Variants in ARHGEF38 observed in about 807,000 individuals in gnomAD.
The protein encoded by ARHGEF38 is Rho guanine nucleotide exchange factor (GEF) 38.
In ARHGEF38, 79 loss-of-function variants were observed where a neutral mutation model predicts 79.9. The ratio of observed to expected loss-of-function variants is 0.99; its 90% CI spans 0.82 to 1.19. The LOEUF is 1.19. ARHGEF38 is among the 50% of genes most tolerant of loss of function. The probability of loss-of-function intolerance (pLI) is 0.00; values close to 1 mark genes in which losing one functional copy is unlikely to be tolerated. For missense variants in ARHGEF38, 962 were observed against 907.2 expected (o/e 1.06, Z -0.78); for synonymous variants, 366 against 328.3 (o/e 1.11, Z -1.24).
rs577740645 is a variant in ARHGEF38 at position 105,645,672 on chromosome 4, A to G, written c.874+285A>G. On this transcript the variant is annotated intron_variant, in intron 6 of 13. Coordinates refer to ENST00000420470, the MANE Select transcript of ARHGEF38 (RefSeq NM_001242729.2). ...GACATATTGTGGGCTGAAGAAACCC[A>G]TTGCATATAGTCCTCCTGTCACTGG... 5.9e-5 allele frequency among the ~76,000 whole-genome samples: 9 copies of G among 152,334 alleles called. No individual in the cohort carries two copies. In the South Asian group the frequency reaches 1.5e-3, roughly 25 times the overall value.
chr4:105,682,388 C>A (rs1578375880), downstream of ARHGEF38: 1 of 185,172 alleles, frequency 5.4e-6, no homozygotes, highest in East Asian at 1.4e-4. Flanking sequence ...CCACATAAGG[C>A]ACCTCATTCA....
intron 2 of ARHGEF38, 42 bp downstream of exon 2, chr4:105,589,477 A>T: frequency 6.5e-7 from 1 of 1,539,676 alleles, no homozygotes; most frequent in South Asian, 1.2e-5. Flanking sequence ...CCCATATCAT[A>T]AATAGGATCA....
At chr4:105,590,113 AGG>A (rs1298657760) in intron 2 of ARHGEF38, among the ~76,000 whole-genome samples, 77 of 143,492 alleles carry the variant, frequency 5.4e-4, no homozygotes, top group African/African-American at 2.0e-3. Flanking sequence ...GAAGGAAGGA[AGG>A]AAGGAAGGAA....
intron 3 of ARHGEF38, among the ~76,000 whole-genome samples, chr4:105,624,211 C>T (rs967440639): frequency 4.6e-5 from 7 of 152,096 alleles, no homozygotes; most frequent in African/African-American, 1.2e-4. Context: ...ACTTATCTTA[C>T]GCTAGTGCTT....
At chr4:105,642,185 G>T (rs1447101) in intron 5 of ARHGEF38, among the ~76,000 whole-genome samples, 49,140 of 151,708 alleles carry the variant, frequency 0.32, 10,905 homozygotes, top group African/African-American at 0.63. Flanking sequence ...AAAGCATGGA[G>T]TATTATTATC....
At chr4:105,666,452 T>C (rs1578362917) in intron 11 of ARHGEF38, 132 bp downstream of exon 11, 1 of 1,091,056 alleles carries the variant, frequency 9.2e-7, no homozygotes, top group South Asian at 2.2e-5. Flanking sequence ...TAGAATTTCT[T>C]GTACATTTCT....
intron 9 of ARHGEF38, among the ~76,000 whole-genome samples, chr4:105,657,051 T>TA (rs1553948602): frequency 1.3e-3 from 202 of 151,190 alleles, no homozygotes; most frequent in African/African-American, 4.6e-3. Context: ...GATAGATAGA[T>TA]GATAGATAGA....
rs1044514211 is a variant in ARHGEF38 at position 105,680,281 on chromosome 4, T to C, written c.*2344T>C. On this transcript the variant is annotated 3_prime_UTR_variant, in exon 14 of 14. Transcript: ENST00000420470. ...CATATGCAAAATAGAAAAATGATAG[T>C]CACCACATATCTACTAATGGGATTA... is the stretch of plus-strand genomic sequence containing the variant. 17 of 352,220 alleles carry C rather than the reference T, an allele frequency of 4.8e-5. No individual in the cohort carries two copies. The highest frequency in any genetic ancestry group is 8.7e-5 in the Non-Finnish European group (16 of 183,546). 21.8% of individuals were successfully genotyped at this position (352,220 alleles called of 1,614,324 possible). A position where few individuals can be genotyped will look rare whatever the true frequency, so the allele number is the denominator to read the frequency against.
chr4:105,613,242 C>G, intron 2 of ARHGEF38, 142 bp from the exon 3 acceptor site: 1 of 1,135,032 alleles, frequency 8.8e-7, no homozygotes, highest in Non-Finnish European at 1.2e-6. Flanking sequence ...AAACTGCACT[C>G]TAGAATTCCT....
At position 105,651,925 on chromosome 4, in the gene ARHGEF38, T is replaced by G. The variant is rs141101525; in HGVS notation, c.1009-2140T>G. On this transcript the variant is annotated intron_variant, in intron 7 of 13. Transcript: ENST00000420470. Reference sequence around the variant, plus strand: ...TAGTGATTTTTCTAAACATATTGTTTTCATTTGCCTGGTTGAAGCTGTATT... The same window carrying G: ...TAGTGATTTTTCTAAACATATTGTTGTCATTTGCCTGGTTGAAGCTGTATT... Among the ~76,000 whole-genome samples, 312 of 152,348 alleles carry G rather than the reference T, an allele frequency of 2.0e-3. 9 individuals carry two copies. The East Asian group carries it at 0.053, about 26-fold the overall frequency.
intron 1 of ARHGEF38, among the ~76,000 whole-genome samples, chr4:105,579,893 C>G (rs1297293394): frequency 6.6e-6 from 1 of 152,056 alleles, no homozygotes; most frequent in South Asian, 2.1e-4. Context: ...CTATTTACTA[C>G]TTACTCAGTT....
At chr4:105,643,712 T>C (rs1448948862) in intron 5 of ARHGEF38, among the ~76,000 whole-genome samples, 1 of 152,010 alleles carries the variant, frequency 6.6e-6, no homozygotes, top group Non-Finnish European at 1.5e-5. Flanking sequence ...TGATTCCAGA[T>C]AGTGATAAGT....
intron 13 of ARHGEF38, 57 bp downstream of exon 13, chr4:105,667,760 A>G: frequency 6.6e-7 from 1 of 1,519,644 alleles, no homozygotes; most frequent in Non-Finnish European, 8.8e-7. Flanking sequence ...GTATCTCTCT[A>G]CTGTACTCTA....
intron 3 of ARHGEF38, among the ~76,000 whole-genome samples, chr4:105,617,485 C>T (rs1231658634): frequency 3.3e-5 from 5 of 152,042 alleles, no homozygotes; most frequent in Admixed American, 2.0e-4. Context: ...TAAAAATAAT[C>T]TTATGTATGA....
chr4:105,678,027 A>G lies in ARHGEF38; in HGVS notation c.*90A>G. On this transcript the variant is annotated 3_prime_UTR_variant, in exon 14 of 14. Transcript: ENST00000420470. ...TTACAAAACTTTGGACCAGAAAGCA[A>G]GAAACCTCTGAACTACAGAAACTGA... 8.6e-7 allele frequency: 1 copy of G among 1,161,906 alleles called. No homozygotes were observed. 72.0% of individuals were successfully genotyped at this position (1,161,906 alleles called of 1,614,324 possible).
In ARHGEF38 at chr4:105,629,013, T is replaced by C. The variant is rs1578326758; in HGVS notation, c.509-1885T>C. Among the ~76,000 whole-genome samples, 10 of 152,292 alleles carry C rather than the reference T, an allele frequency of 6.6e-5. No individual in the cohort carries two copies. The South Asian group carries it at 2.1e-3, about 32-fold the overall frequency. ...ATCTCAATGGCTACTATTATTTTTA[T>C]TTTGCAAATAAAATGAAGGCACTAA... On this transcript the variant is annotated intron_variant, in intron 3 of 13. Transcript: ENST00000420470.
intron 1 of ARHGEF38, among the ~76,000 whole-genome samples, chr4:105,583,110 A>G (rs1477929238): frequency 1.3e-5 from 2 of 152,120 alleles, no homozygotes; most frequent in African/African-American, 4.8e-5. Context: ...ATTTGAATCG[A>G]CTGCCTTATA....
At chr4:105,665,982 A>G (rs1040932274) in intron 10 of ARHGEF38, among the ~76,000 whole-genome samples, 195 bp from the exon 11 acceptor site, 6 of 152,138 alleles carry the variant, frequency 3.9e-5, no homozygotes, top group African/African-American at 1.4e-4. Flanking sequence ...TTAAAAAAAA[A>G]TTCCTATCAT....
chr4:105,659,474 G>C, intron 10 of ARHGEF38, 109 bp downstream of exon 10: 1 of 1,082,530 alleles, frequency 9.2e-7, no homozygotes, highest in East Asian at 2.6e-5. Context: ...GCCGTGTGGT[G>C]TGTGTGTATT....
Sources: gnomAD v4.1 joint callset for allele counts (sites outside exome capture counted in the v4.1 genomes callset) on GRCh38, gnomAD v4.1.1 for gene constraint, MANE v1.5 for transcripts, NCBI Gene and HGNC (gene_info 2026-07-23, HGNC 2026-07-21) for gene names.